Variants in RBL2 observed in about 807,000 individuals in gnomAD.
The protein encoded by RBL2 is retinoblastoma-like protein 2.
RBL2 carries 56 observed loss-of-function variants against 126.0 expected under a neutral mutation model. The observed-to-expected ratio is 0.44, with a 90% CI of 0.36 to 0.56. RBL2 has a LOEUF of 0.56. RBL2 is among the 20% of genes least tolerant of loss of function. The probability of loss-of-function intolerance (pLI) is 0.00; values close to 1 mark genes in which losing one functional copy is unlikely to be tolerated. For synonymous variants in RBL2, 454 were observed against 478.5 expected (o/e 0.95, Z 0.67); for missense variants, 1,229 against 1,398.2 (o/e 0.88, Z 1.93).
At position 53,434,703 on chromosome 16, in the gene RBL2, C is replaced by T. The variant is rs757366702; in HGVS notation, c.147C>T (p.Phe49=). 1 of 1,567,448 alleles carries T rather than the reference C, an allele frequency of 6.4e-7. No individual in the cohort carries two copies. The highest frequency in any genetic ancestry group is 8.6e-7 in the Non-Finnish European group (1 of 1,166,744). The change falls in exon 1 of 22, where the codon TTC becomes TTT. Residue 49 remains phenylalanine, a synonymous_variant. Transcript: ENST00000262133. The part of the protein sequence containing the change: ...ESPTPQIQQR[F]DELCSRLNMD... ...CCACCCCTCAGATCCAGCAGCGGTT[C>T]GACGAGCTGTGCAGCCGCCTCAACA...
At chr16:53,450,457 G>C (rs1391570589) in intron 4 of RBL2, among the ~76,000 whole-genome samples, 1 of 152,008 alleles carries the variant, frequency 6.6e-6, no homozygotes, top group Non-Finnish European at 1.5e-5. Context: ...TTTATCTGAT[G>C]ATACAAGAAT....
intron 2 of RBL2, among the ~76,000 whole-genome samples, chr16:53,441,516 T>C (rs2058016042): frequency 6.6e-6 from 1 of 152,210 alleles, no homozygotes. Flanking sequence ...TGTATGTTCA[T>C]ATGAAAGAAT....
At chr16:53,434,883 C>G in intron 1 of RBL2, 87 bp downstream of exon 1, 1 of 1,392,942 alleles carries the variant, frequency 7.2e-7, no homozygotes, top group Non-Finnish European at 9.3e-7. Flanking sequence ...GAGAGACTCT[C>G]GGGCGGGTTG....
At chr16:53,451,861 A>C in intron 5 of RBL2, 30 bp downstream of exon 5, 1 of 1,610,310 alleles carries the variant, frequency 6.2e-7, no homozygotes, top group Non-Finnish European at 8.5e-7. Context: ...ATTTTTGGGC[A>C]ATCTGCGTTT....
At position 53,481,391 on chromosome 16, in the gene RBL2, C is replaced by T. The variant is rs74017235; in HGVS notation, c.3085-280C>T. 1,239 of 300,606 alleles carry T rather than the reference C, an allele frequency of 4.1e-3. 7 individuals carry two copies. Among genetic ancestry groups the T allele is most frequent in the African/African-American group, 0.017 (781 of 44,972 alleles). 18.6% of individuals were successfully genotyped at this position (300,606 alleles called of 1,614,324 possible). ...AAATTTTCTCTGTACCTCATTTCCTCATATATAAAATGGGAATATAACTAG... is the reference window on the plus strand; with the variant it reads ...AAATTTTCTCTGTACCTCATTTCCTTATATATAAAATGGGAATATAACTAG... On this transcript the variant is annotated intron_variant, in intron 20 of 21. Coordinates refer to ENST00000262133, the MANE Select transcript of RBL2 (RefSeq NM_005611.4).
chr16:53,474,427 C>CT (rs1479710430), intron 17 of RBL2, among the ~76,000 whole-genome samples: 1 of 152,142 alleles, frequency 6.6e-6, no homozygotes, highest in Non-Finnish European at 1.5e-5. Context: ...AGCAATTCTC[C>CT]TGCCTCAGCC....
At chr16:53,452,165 G>C (rs946970063) in intron 5 of RBL2, among the ~76,000 whole-genome samples, 1 of 152,194 alleles carries the variant, frequency 6.6e-6, no homozygotes, top group African/African-American at 2.4e-5. Context: ...CTGACACATT[G>C]TAGGAGATCA....
intron 21 of RBL2, among the ~76,000 whole-genome samples, chr16:53,487,238 C>T (rs1479041038): frequency 6.6e-6 from 1 of 152,102 alleles, no homozygotes; most frequent in Non-Finnish European, 1.5e-5. Context: ...ACTCGAATAG[C>T]TAAAATAATT....
intron 17 of RBL2, among the ~76,000 whole-genome samples, chr16:53,472,879 G>A (rs1166013884): frequency 6.6e-6 from 1 of 152,096 alleles, no homozygotes; most frequent in African/African-American, 2.4e-5. Flanking sequence ...TTTTGTGTAT[G>A]GTATGAGGTA....
intron 20 of RBL2, 122 bp from the exon 21 acceptor site, chr16:53,481,549 A>G (rs1207337521): frequency 1.1e-6 from 1 of 896,438 alleles, no homozygotes; most frequent in African/African-American, 1.7e-5. Context: ...GTTATTGCTA[A>G]TACATCACTC....
chr16:53,467,383 C>CTTTATTTA (rs758994614), intron 14 of RBL2, among the ~76,000 whole-genome samples: 5 of 151,794 alleles, frequency 3.3e-5, no homozygotes, highest in Non-Finnish European at 5.9e-5. Flanking sequence ...GGATAGACTG[C>CTTTATTTA]TTTATTTATT....
chr16:53,486,753 G>T (rs1348898093), intron 21 of RBL2, among the ~76,000 whole-genome samples: 1 of 152,136 alleles, frequency 6.6e-6, no homozygotes, highest in Non-Finnish European at 1.5e-5. Flanking sequence ...GTTCAACATT[G>T]TAACTGGGAG....
intron 4 of RBL2, 139 bp from the exon 5 acceptor site, chr16:53,451,564 A>G (rs1310811043): frequency 1.2e-6 from 1 of 853,068 alleles, no homozygotes; most frequent in Non-Finnish European, 1.8e-6. Context: ...TCAAAATGTA[A>G]ATTTGCCAAA....
chr16:53,472,860 T>C (rs769608501), intron 17 of RBL2, among the ~76,000 whole-genome samples: 7 of 152,216 alleles, frequency 4.6e-5, no homozygotes, highest in African/African-American at 1.7e-4. Context: ...TTGATCAATT[T>C]TGAGTAATTT....
At chr16:53,479,257 A>AAGT in intron 18 of RBL2, 32 bp downstream of exon 18, 2 of 1,574,206 alleles carry the variant, frequency 1.3e-6, no homozygotes, top group Non-Finnish European at 1.7e-6. Context: ...GCTGAAAAAT[A>AAGT]AAGCTTAAAG....
chr16:53,468,716 T>C (rs2058292967), intron 14 of RBL2, among the ~76,000 whole-genome samples: 1 of 152,228 alleles, frequency 6.6e-6, no homozygotes, highest in Non-Finnish European at 1.5e-5. Context: ...CCACAGTTTG[T>C]TAGGATTTAC....
intron 2 of RBL2, among the ~76,000 whole-genome samples, chr16:53,441,069 C>T (rs1359564154): frequency 7.0e-6 from 1 of 142,930 alleles, no homozygotes; most frequent in African/African-American, 2.6e-5. Context: ...AGGTGATTCT[C>T]ATGCTTCAGC....
At position 53,464,346 on chromosome 16, in the gene RBL2, C is replaced by T. The variant is rs1567737480; in HGVS notation, c.1681C>T (p.Leu561Phe). The T allele has an allele frequency of 1.3e-6, 2 of 1,574,752 alleles. No individual in the cohort carries two copies. The highest frequency in any genetic ancestry group is 2.2e-5 in the East Asian group (1 of 44,452). Residue 561 changes from leucine (L) to phenylalanine (F), a missense_variant, in exon 12 of 22, where the codon CTT becomes TTT. Physicochemically the swap from Leu to Phe is conservative, Grantham distance 22 (BLOSUM62 0). Transcript: ENST00000262133. ...TATTACTGAAATATTTGATGTGCCT[C>T]TTTATCATTTTTATAAGGTATTTTT... ...PFITEIFDVP[L>F]YHFYKVIEVF...
chr16:53,478,301 G>A (rs564062002), intron 17 of RBL2, among the ~76,000 whole-genome samples: 2 of 152,188 alleles, frequency 1.3e-5, no homozygotes, highest in African/African-American at 4.8e-5. Flanking sequence ...TGATATATCT[G>A]GGTACGGATG....
Sources: gnomAD v4.1 joint callset for allele counts (sites outside exome capture counted in the v4.1 genomes callset) on GRCh38, gnomAD v4.1.1 for gene constraint, MANE v1.5 for transcripts, NCBI Gene and HGNC (gene_info 2026-07-23, HGNC 2026-07-21) for gene names.